The following ELAVL2 variants were observed in gnomAD, a reference collection of about 807,000 sequenced individuals.
ELAVL2 encodes the protein ELAV like RNA binding protein 2.
ELAVL2 carries 4 observed loss-of-function variants against 34.6 expected under a neutral mutation model. The observed-to-expected ratio is 0.12, with a 90% CI of 0.06 to 0.26. ELAVL2 has a LOEUF of 0.26. ELAVL2 is among the 10% of genes least tolerant of loss of function. The probability of loss-of-function intolerance (pLI) is 1.00; values close to 1 mark genes in which losing one functional copy is unlikely to be tolerated. For synonymous variants in ELAVL2, 193 were observed against 154.8 expected (o/e 1.25, Z -1.83); for missense variants, 432 against 442.8 (o/e 0.98, Z 0.22).
chr9:23,819,876 T>G (rs971836493), intron 1 of ELAVL2, among the ~76,000 whole-genome samples: 1 of 152,180 alleles, frequency 6.6e-6, no homozygotes, highest in Non-Finnish European at 1.5e-5. Flanking sequence ...TCTCTCCCCA[T>G]AGTTTGCAAG....
intron 3 of ELAVL2, among the ~76,000 whole-genome samples, chr9:23,709,774 T>C (rs2040436390): frequency 6.6e-6 from 1 of 152,190 alleles, no homozygotes; most frequent in Non-Finnish European, 1.5e-5. Context: ...GAATATTTAA[T>C]GCATGAGAAG....
intron 3 of ELAVL2, among the ~76,000 whole-genome samples, chr9:23,714,603 C>A (rs952793774): frequency 6.6e-6 from 1 of 152,294 alleles, no homozygotes; most frequent in African/African-American, 2.4e-5. Context: ...TACCTCAATT[C>A]TCTTTTGTAG....
intron 3 of ELAVL2, among the ~76,000 whole-genome samples, chr9:23,708,884 C>T (rs1299230864): frequency 6.6e-6 from 1 of 152,028 alleles, no homozygotes; most frequent in African/African-American, 2.4e-5. Flanking sequence ...GTGATCAGCC[C>T]ACCTCGGCCT....
At chr9:23,744,204 C>T (rs1588008318) in intron 2 of ELAVL2, among the ~76,000 whole-genome samples, 1 of 152,252 alleles carries the variant, frequency 6.6e-6, no homozygotes, top group Non-Finnish European at 1.5e-5. Flanking sequence ...TCTACCGTCT[C>T]CACCTTAAGT....
chr9:23,792,071 T>C (rs540835430), intron 1 of ELAVL2, among the ~76,000 whole-genome samples: 14 of 152,292 alleles, frequency 9.2e-5, no homozygotes, highest in African/African-American at 3.4e-4. Flanking sequence ...GAAACAGCAC[T>C]TCAAGTAACT....
At chr9:23,755,163 G>T (rs2053236909) in intron 2 of ELAVL2, among the ~76,000 whole-genome samples, 1 of 152,110 alleles carries the variant, frequency 6.6e-6, no homozygotes, top group Non-Finnish European at 1.5e-5. Flanking sequence ...AGCAAAAATT[G>T]TGTGCCATTT....
chr9:23,777,527 C>A (rs1258896566), intron 1 of ELAVL2, among the ~76,000 whole-genome samples: 1 of 152,132 alleles, frequency 6.6e-6, no homozygotes, highest in Non-Finnish European at 1.5e-5. Flanking sequence ...CAGGCTAAAA[C>A]CCAGGATTCA....
At chr9:23,728,818 C>T (rs2045873605) in intron 3 of ELAVL2, among the ~76,000 whole-genome samples, 1 of 152,214 alleles carries the variant, frequency 6.6e-6, no homozygotes, top group Non-Finnish European at 1.5e-5. Context: ...GGGAAATGGT[C>T]TGCTTTGCCT....
the ELAVL2 span, among the ~76,000 whole-genome samples, chr9:23,844,606 C>G: frequency 6.6e-6 from 1 of 151,838 alleles, no homozygotes; most frequent in Non-Finnish European, 1.5e-5. Context: ...TTTAAACTAC[C>G]TATCCCATAG....
intron 3 of ELAVL2, among the ~76,000 whole-genome samples, chr9:23,719,096 C>T (rs930069283): frequency 8.5e-5 from 13 of 152,096 alleles, no homozygotes; most frequent in African/African-American, 3.1e-4. Context: ...AGAGGGGCAG[C>T]GAGGAGGGGA....
chr9:23,819,157 G>A (rs2064161430), intron 1 of ELAVL2, among the ~76,000 whole-genome samples: 1 of 152,142 alleles, frequency 6.6e-6, no homozygotes, highest in African/African-American at 2.4e-5. Context: ...CAAGGATTCA[G>A]CTAGCAGCAT....
the ELAVL2 span, among the ~76,000 whole-genome samples, chr9:23,845,672 G>A: frequency 2.0e-5 from 3 of 151,124 alleles, no homozygotes; most frequent in Non-Finnish European, 4.4e-5. Flanking sequence ...GATTAATTTC[G>A]ATGGTTTCAC....
chr9:23,801,038 T>G (rs768519825), intron 1 of ELAVL2, among the ~76,000 whole-genome samples: 2 of 152,284 alleles, frequency 1.3e-5, no homozygotes, highest in African/African-American at 4.8e-5. Context: ...TTAAGGCTAA[T>G]TGTGAACTGT....
chr9:23,819,509 G>A (rs2064220982), intron 1 of ELAVL2, among the ~76,000 whole-genome samples: 1 of 152,094 alleles, frequency 6.6e-6, no homozygotes, highest in South Asian at 2.1e-4. Flanking sequence ...AAATTATCTT[G>A]AACCACAGGG....
At chr9:23,758,959 C>T (rs911488184) in intron 2 of ELAVL2, among the ~76,000 whole-genome samples, 7 of 151,942 alleles carry the variant, frequency 4.6e-5, no homozygotes, top group Non-Finnish European at 5.9e-5. Flanking sequence ...TACACACTAT[C>T]GTGGGAAGGC....
chr9:23,707,056 G>C (rs557984211), intron 3 of ELAVL2, among the ~76,000 whole-genome samples: 1 of 152,182 alleles, frequency 6.6e-6, no homozygotes, highest in Non-Finnish European at 1.5e-5. Flanking sequence ...AAGAAACAAG[G>C]AATTTGGAAT....
chr9:23,759,238 C>CA (rs2054291730), intron 2 of ELAVL2, among the ~76,000 whole-genome samples: 1 of 151,884 alleles, frequency 6.6e-6, no homozygotes, highest in East Asian at 1.9e-4. Flanking sequence ...CATTCAGCCA[C>CA]AAAAAAGAAT....
At chr9:23,781,466 C>A (rs182550569) in intron 1 of ELAVL2, among the ~76,000 whole-genome samples, 2 of 151,768 alleles carry the variant, frequency 1.3e-5, no homozygotes, top group African/African-American at 4.8e-5. Flanking sequence ...TTTAAGCCAC[C>A]AAAACATACA....
chr9:23,726,031 T>C (rs949712408), intron 3 of ELAVL2, among the ~76,000 whole-genome samples: 1 of 151,912 alleles, frequency 6.6e-6, no homozygotes, highest in Non-Finnish European at 1.5e-5. Context: ...ATTTCAGAAA[T>C]GTAGTTCTAT....
Sources: gnomAD v4.1 joint callset for allele counts (sites outside exome capture counted in the v4.1 genomes callset) on GRCh38, gnomAD v4.1.1 for gene constraint, MANE v1.5 for transcripts, NCBI Gene and HGNC (gene_info 2026-07-23, HGNC 2026-07-21) for gene names.